KDM5A: variants seen among roughly 807,000 people sequenced by gnomAD.
KDM5A encodes lysine-specific demethylase 5A.
In KDM5A, 42 loss-of-function variants were observed where a neutral mutation model predicts 193.5. That is an observed-to-expected ratio of 0.22 (90% CI 0.17 to 0.28). The LOEUF (loss-of-function observed/expected upper bound fraction) is 0.28, where lower values mean the gene tolerates loss of function less well. Ranked by LOEUF, KDM5A falls within the 10% of genes least tolerant of loss-of-function variation. The pLI is 1.00. For missense variants in KDM5A, 1,692 were observed against 2,055.1 expected (o/e 0.82, Z 3.42); for synonymous variants, 796 against 718.1 (o/e 1.11, Z -1.73).
chr12:308,105 T>C (rs193273056), intron 22 of KDM5A, 100 bp from the exon 23 acceptor site: 29 of 1,350,038 alleles, frequency 2.1e-5, no homozygotes, highest in Admixed American at 1.1e-4. Context: ...AGTTATCAGT[T>C]ATAAACAGTT....
At chr12:331,046 C>T (rs923261531) in intron 13 of KDM5A, among the ~76,000 whole-genome samples, 5 of 151,286 alleles carry the variant, frequency 3.3e-5, no homozygotes. Context: ...AAGTATAGCG[C>T]AGAGATCTCA....
intron 10 of KDM5A, among the ~76,000 whole-genome samples, chr12:335,676 G>A (rs1022520951): frequency 1.5e-4 from 23 of 152,296 alleles, no homozygotes; most frequent in African/African-American, 5.5e-4. Flanking sequence ...TTGTGAACTA[G>A]AAGACATGTT....
At chr12:311,800 A>G (rs1242375114) in intron 20 of KDM5A, among the ~76,000 whole-genome samples, 1 of 151,768 alleles carries the variant, frequency 6.6e-6, no homozygotes, top group Non-Finnish European at 1.5e-5. Flanking sequence ...TTGGAAGGCC[A>G]AGACAGGCGG....
intron 3 of KDM5A, among the ~76,000 whole-genome samples, chr12:379,907 C>T (rs905064972): frequency 6.6e-6 from 1 of 152,166 alleles, no homozygotes; most frequent in Non-Finnish European, 1.5e-5. Context: ...TTGTGAACAA[C>T]TAAGTATTCA....
chr12:328,716 A>T (rs1199321783), intron 14 of KDM5A, 119 bp downstream of exon 14: 1 of 846,350 alleles, frequency 1.2e-6, no homozygotes, highest in East Asian at 2.6e-5. Context: ...AATCTTCTCC[A>T]AATCAGTGAT....
rs754724578 is a variant in KDM5A at position 318,122 on chromosome 12, C to T, written c.2881G>A (p.Val961Ile). The T allele has an allele frequency of 1.2e-6, 2 of 1,614,154 alleles. No individual in the cohort carries two copies. Among genetic ancestry groups the T allele is most frequent in the Admixed American group, 1.7e-5 (1 of 60,034 alleles). The change falls in exon 19 of 28, where the codon GTC (valine) becomes ATC (isoleucine). Residue 961 changes from valine to isoleucine, a missense_variant. Val to Ile is a conservative substitution (Grantham distance 29). Transcript: ENST00000399788. The part of the protein sequence containing the change: ...VSERWEEKAK[V>I]CLQARPRHSV... ...TGTGTTCACCTTGCCTGTAGGCAGA[C>T]CTTAGCCTTTTCTTCCCATCGTTCA...
chr12:352,810 T>C (rs887121425), intron 8 of KDM5A, among the ~76,000 whole-genome samples: 32 of 152,088 alleles, frequency 2.1e-4, no homozygotes, highest in African/African-American at 7.0e-4. Flanking sequence ...AATACTCACT[T>C]AGAGTAGAAC....
intron 14 of KDM5A, among the ~76,000 whole-genome samples, chr12:326,922 T>A (rs1430578296): frequency 6.8e-6 from 1 of 147,634 alleles, no homozygotes; most frequent in Non-Finnish European, 1.5e-5. Context: ...TGAAATACAG[T>A]GTGTCACTGG....
In KDM5A at chr12:283,449, A is replaced by G. The variant is rs1207671584; in HGVS notation, c.*2007T>C. ...ACTAACAAACCTCTGAACAAGTCAA[A>G]ACACTCAAAATGTTATACAGTATTA... On this transcript the variant is annotated 3_prime_UTR_variant, in exon 28 of 28. Coordinates refer to ENST00000399788, the MANE Select transcript of KDM5A (RefSeq NM_001042603.3). The G allele has an allele frequency of 1.3e-5, 3 of 232,912 alleles. No homozygotes were observed. Among genetic ancestry groups the G allele is most frequent in the African/African-American group, 6.6e-5 (3 of 45,330 alleles). The allele number at this position is 232,912 out of a possible 1,614,324, so 14.4% of individuals were successfully genotyped here.
At chr12:297,916 C>A (rs1379256556) in intron 24 of KDM5A, among the ~76,000 whole-genome samples, 2 of 152,058 alleles carry the variant, frequency 1.3e-5, no homozygotes, top group African/African-American at 2.4e-5. Context: ...ACTACAGATT[C>A]AAGACAAAAG....
chr12:328,358 T>C (rs752202731), intron 14 of KDM5A, among the ~76,000 whole-genome samples: 2 of 152,182 alleles, frequency 1.3e-5, no homozygotes, highest in Non-Finnish European at 2.9e-5. Flanking sequence ...TTTTCTCATA[T>C]ATTACCCAGT....
rs2137386704 is a variant in KDM5A, at chr12:306,985, A to G, written c.4035T>C (p.Ser1345=). The G allele has an allele frequency of 6.2e-7, 1 of 1,613,980 alleles. No homozygotes were observed. The highest frequency in any genetic ancestry group is 1.3e-5 in the African/African-American group (1 of 74,984). ...CATATGTCTCTCGAATGTCTTCATCAGAGTCTGTTTCTTCATCATCATAGT... is the reference window on the plus strand; with the variant it reads ...CATATGTCTCTCGAATGTCTTCATCGGAGTCTGTTTCTTCATCATCATAGT... The part of the protein sequence containing the change: ...TMDYDDEETD[S]DEDIRETYGY... The change falls in exon 24 of 28, where the codon TCT becomes TCC. Residue 1345 remains serine (S), a synonymous_variant. Transcript: ENST00000399788.
intron 10 of KDM5A, among the ~76,000 whole-genome samples, chr12:349,167 T>C (rs759077250): frequency 1.1e-4 from 16 of 151,804 alleles, no homozygotes; most frequent in Middle Eastern, 3.4e-3. Context: ...ATTACAGGCA[T>C]GTGCCACCAC....
chr12:293,568 C>G (rs1395355039), intron 26 of KDM5A, among the ~76,000 whole-genome samples: 1 of 152,100 alleles, frequency 6.6e-6, no homozygotes, highest in Admixed American at 6.6e-5. Flanking sequence ...CACTTGAGGT[C>G]AGGAGTTCAA....
chr12:367,040 T>C (rs939935995), intron 3 of KDM5A, among the ~76,000 whole-genome samples: 13 of 152,208 alleles, frequency 8.5e-5, no homozygotes, highest in Non-Finnish European at 1.5e-4. Flanking sequence ...ATAGCCTAGG[T>C]ATGCAGTAGG....
intron 26 of KDM5A, among the ~76,000 whole-genome samples, chr12:294,704 A>C (rs1943347456): frequency 6.6e-6 from 1 of 152,256 alleles, no homozygotes; most frequent in African/African-American, 2.4e-5. Flanking sequence ...GAAACTAATG[A>C]AAAGAATACT....
intron 20 of KDM5A, among the ~76,000 whole-genome samples, chr12:312,794 A>G (rs1035589008): frequency 1.1e-4 from 16 of 152,224 alleles, no homozygotes; most frequent in African/African-American, 3.6e-4. Flanking sequence ...GCTGTGGCTC[A>G]GTGCTGCTGC....
At position 319,753 on chromosome 12, in the gene KDM5A, C is replaced by CA. The variant is rs1473125440; in HGVS notation, c.2541+1241dup. 5.3e-3 allele frequency among the ~76,000 whole-genome samples: 782 copies of CA among 147,972 alleles called. 8 individuals are homozygous for CA. The highest frequency in any genetic ancestry group is 0.019 in the African/African-American group (730 of 39,410). On this transcript the variant is annotated intron_variant, in intron 18 of 27. Coordinates refer to ENST00000399788, the MANE Select transcript of KDM5A (RefSeq NM_001042603.3). ...TGGATGACAGAGCCAGACGCTGTCT[C>CA]AAAAAGAAAAGAAAAGAAAAGAAAA...
intron 3 of KDM5A, among the ~76,000 whole-genome samples, chr12:374,361 T>C (rs1048684575): frequency 6.6e-6 from 1 of 152,214 alleles, no homozygotes; most frequent in Non-Finnish European, 1.5e-5. Flanking sequence ...TCTTTGTTGG[T>C]TTAAAATCTG....
Sources: allele counts gnomAD v4.1 joint callset (sites outside exome capture counted in the v4.1 genomes callset), GRCh38; gene constraint gnomAD v4.1.1; transcripts MANE v1.5; gene names NCBI Gene and HGNC (gene_info 2026-07-23, HGNC 2026-07-21).